The following BMP7 variants were observed in gnomAD, a reference collection of about 807,000 sequenced individuals.
BMP7 encodes bone morphogenetic protein 7, also known as osteogenic protein 1.
A neutral mutation model predicts 41.2 loss-of-function variants in BMP7; 12 were observed. That is an observed-to-expected ratio of 0.29 (90% confidence interval 0.19 to 0.47). The LOEUF is 0.47. Among genes scored for constraint, BMP7 ranks in the 20% least tolerant of loss-of-function variants. The pLI is 0.99. For synonymous variants in BMP7, 248 were observed against 250.0 expected (o/e 0.99, Z 0.07); for missense variants, 467 against 606.0 (o/e 0.77, Z 2.41).
intron 3 of BMP7, among the ~76,000 whole-genome samples, chr20:57,201,585 A>G (rs1030331867): frequency 2.5e-4 from 38 of 152,270 alleles, no homozygotes; most frequent in South Asian, 1.9e-3. Context: ...GAAACTATTT[A>G]GTGTTACACA....
Position 57,176,750 on chromosome 20 carries a change from TCACACACACACACACA to T in BMP7, c.959-1759_959-1744del, listed in dbSNP as rs60465573. The stretch of plus-strand genomic sequence containing the variant: ...ATTTGAAACTACGCACATTCTCCAT[TCACACACACACACACA>T]CACACACACACACACACACACACAC... On this transcript the variant is annotated intron_variant, in intron 4 of 6. Transcript: ENST00000395863. Among the ~76,000 whole-genome samples the T allele has an allele frequency of 4.0e-4, 54 of 135,506 alleles. 1 individual carries two copies. The highest frequency in any genetic ancestry group is 8.1e-4 in the African/African-American group (29 of 35,826). The allele number at this position is 135,506 out of a possible 152,430, so 88.9% of individuals were successfully genotyped here.
At chr20:57,204,029 A>C (rs1328608872) in intron 2 of BMP7, among the ~76,000 whole-genome samples, 1 of 152,232 alleles carries the variant, frequency 6.6e-6, no homozygotes, top group Non-Finnish European at 1.5e-5. Flanking sequence ...AGGATCCGAA[A>C]GGTCAAGTTG....
At chr20:57,221,339 T>C (rs972403301) in intron 2 of BMP7, among the ~76,000 whole-genome samples, 3 of 152,194 alleles carry the variant, frequency 2.0e-5, no homozygotes, top group Admixed American at 2.0e-4. Context: ...TCAATTTCCT[T>C]GTGTGGAAAA....
At chr20:57,205,345 A>G (rs1219417650) in intron 2 of BMP7, among the ~76,000 whole-genome samples, 2 of 152,196 alleles carry the variant, frequency 1.3e-5, no homozygotes, top group Non-Finnish European at 2.9e-5. Flanking sequence ...ATGCTCTTTT[A>G]GAGGTAGTTT....
chr20:57,215,009 T>C lies in BMP7; in HGVS notation c.612-12386A>G. 1 of 152,230 alleles carries C rather than the reference T, an allele frequency of 6.6e-6. No homozygotes were observed. Among genetic ancestry groups the C allele is most frequent in the Non-Finnish European group, 1.5e-5 (1 of 68,030 alleles). The allele number at this position is 152,230 out of a possible 1,614,324, so 9.4% of individuals were successfully genotyped here. A position where few individuals can be genotyped will look rare whatever the true frequency, so the allele number is the denominator to read the frequency against. ...TTATTAAAAGAGAAATGGTAAATAC[T>C]TTTTCAGATTATTCAGGTAGCTCCA... On this transcript the variant is annotated intron_variant, in intron 2 of 6. Coordinates refer to ENST00000395863, the MANE Select transcript of BMP7 (RefSeq NM_001719.3). The surrounding 1 kb of genome is among the most constrained non-coding windows in gnomAD (Gnocchi z 4.2).
chr20:57,215,538 G>C lies in BMP7; in HGVS notation c.611+12691C>G, dbSNP rs1055557054. On this transcript the variant is annotated intron_variant, in intron 2 of 6. Coordinates refer to ENST00000395863, the MANE Select transcript of BMP7 (RefSeq NM_001719.3). This position sits in a 1 kb window ranked among gnomAD's most constrained non-coding sequence, Gnocchi z 4.2. The stretch of plus-strand genomic sequence containing the variant: ...ATCCATCCAGAAACCCAGTGGAACT[G>C]AGCCGCGAGCTGGATTCCAGCTCAC... The C allele has an allele frequency of 6.6e-6, 1 of 152,220 alleles. No individual in the cohort carries two copies. Among genetic ancestry groups the C allele is most frequent in the Admixed American group, 6.5e-5 (1 of 15,284 alleles). 9.4% of individuals were successfully genotyped at this position (152,220 alleles called of 1,614,324 possible). A position where few individuals can be genotyped will look rare whatever the true frequency, so the allele number is the denominator to read the frequency against.
chr20:57,263,781 T>G (rs1486071476), intron 1 of BMP7, among the ~76,000 whole-genome samples: 1 of 151,594 alleles, frequency 6.6e-6, no homozygotes, highest in Non-Finnish European at 1.5e-5. Context: ...CCTTTAGTTT[T>G]TGGTATAGTT....
At chr20:57,260,302 G>T (rs2066149095) in intron 1 of BMP7, among the ~76,000 whole-genome samples, 1 of 152,116 alleles carries the variant, frequency 6.6e-6, no homozygotes, top group Non-Finnish European at 1.5e-5. Context: ...CTCGCTTCTT[G>T]AAGGACCAGC....
Position 57,241,149 on chromosome 20 carries a change from C to T in BMP7, c.419-12728G>A, listed in dbSNP as rs950009162. Among the ~76,000 whole-genome samples the T allele has an allele frequency of 3.2e-4, 49 of 152,276 alleles. 1 individual carries two copies. The highest frequency in any genetic ancestry group is 6.6e-4 in the Non-Finnish European group (45 of 68,020). On this transcript the variant is annotated intron_variant, in intron 1 of 6. Coordinates refer to ENST00000395863, the MANE Select transcript of BMP7 (RefSeq NM_001719.3). ...CAGCTGATCTGAATCTTTAAAGGCC[C>T]GTACTCTTCCCCACTCAGCCATACC...
chr20:57,238,051 T>C (rs1406489239), intron 1 of BMP7, among the ~76,000 whole-genome samples: 1 of 152,172 alleles, frequency 6.6e-6, no homozygotes, highest in Non-Finnish European at 1.5e-5. Flanking sequence ...GCACATCCAG[T>C]CTCCAGGACT....
chr20:57,180,910 C>T (rs1013317783), intron 4 of BMP7, among the ~76,000 whole-genome samples: 1 of 152,150 alleles, frequency 6.6e-6, no homozygotes, highest in Admixed American at 6.5e-5. Context: ...ACATAAATTT[C>T]AAGCTAGGCT....
At chr20:57,194,717 G>A (rs939464616) in intron 3 of BMP7, among the ~76,000 whole-genome samples, 1 of 152,182 alleles carries the variant, frequency 6.6e-6, no homozygotes, top group South Asian at 2.1e-4. Context: ...ATCGCTCCTC[G>A]CTGGAATCTC....
At chr20:57,230,653 G>T (rs1200981289) in intron 1 of BMP7, among the ~76,000 whole-genome samples, 1 of 149,072 alleles carries the variant, frequency 6.7e-6, no homozygotes. Flanking sequence ...AGCTCAACAA[G>T]GGCCGTTCCT....
chr20:57,237,173 C>T (rs2066051034), intron 1 of BMP7, among the ~76,000 whole-genome samples: 1 of 152,236 alleles, frequency 6.6e-6, no homozygotes, highest in African/African-American at 2.4e-5. Flanking sequence ...TCTTCAGCTC[C>T]AGTTAGGGGC....
chr20:57,248,098 A>G (rs1008844531), intron 1 of BMP7, among the ~76,000 whole-genome samples: 2 of 152,182 alleles, frequency 1.3e-5, no homozygotes, highest in Non-Finnish European at 2.9e-5. Flanking sequence ...TCAATGTGCA[A>G]CCAACCTTCT....
At position 57,170,925 on chromosome 20, in the gene BMP7, A is replaced by G. The variant is rs1164516912; in HGVS notation, c.*34T>C. 1 of 1,610,102 alleles carries G rather than the reference A, an allele frequency of 6.2e-7. No homozygotes were observed. The highest frequency in any genetic ancestry group is 1.8e-4 in the Middle Eastern group (1 of 5,698). On this transcript the variant is annotated 3_prime_UTR_variant, in exon 7 of 7. Transcript: ENST00000395863. ...GGCGAGCAATGGAGGATCCAGAAAA[A>G]CTTGGCCCCAAAGGGTCTGAATTCT...
chr20:57,248,860 G>A (rs2066100452), intron 1 of BMP7, among the ~76,000 whole-genome samples: 1 of 152,046 alleles, frequency 6.6e-6, no homozygotes, highest in African/African-American at 2.4e-5. Flanking sequence ...GTGCAGTGGT[G>A]TGATCTCGGC....
intron 3 of BMP7, among the ~76,000 whole-genome samples, chr20:57,194,675 A>G (rs954782869): frequency 1.1e-4 from 17 of 152,346 alleles, no homozygotes; most frequent in African/African-American, 4.1e-4. Flanking sequence ...CCACCAATGT[A>G]TACCAAGCAC....
intron 2 of BMP7, among the ~76,000 whole-genome samples, chr20:57,205,680 C>T (rs896992875): frequency 6.6e-6 from 1 of 152,128 alleles, no homozygotes; most frequent in Non-Finnish European, 1.5e-5. Context: ...GACAGGCCCT[C>T]GAGGACAGTA....
Sources: gnomAD v4.1 joint callset for allele counts (sites outside exome capture counted in the v4.1 genomes callset) on GRCh38, gnomAD v4.1.1 for gene constraint, Gnocchi (gnomAD v3.1) non-coding constraint, MANE v1.5 for transcripts, NCBI Gene and HGNC (gene_info 2026-07-23, HGNC 2026-07-21) for gene names.